Variants in EBLN1 observed in about 807,000 individuals in gnomAD.
EBLN1 encodes endogenous Bornavirus like nucleoprotein 1.
EBLN1 carries 1 observed loss-of-function variant against 0.8 expected under a neutral mutation model. That is an observed-to-expected ratio of 1.32 (90% CI 0.47 to 6.26). The LOEUF (loss-of-function observed/expected upper bound fraction) is 6.26. Among genes scored for constraint, EBLN1 ranks in the 30% most tolerant of loss-of-function variants. The pLI, the probability that EBLN1 is intolerant of heterozygous loss-of-function variation, is 0.15. For synonymous variants in EBLN1, 158 were observed against 158.5 expected (o/e 1.00, Z 0.02); for missense variants, 396 against 447.9 (o/e 0.88, Z 1.05).
intron 2 of EBLN1, among the ~76,000 whole-genome samples, chr10:22,210,533 G>A (rs1283585544): frequency 6.6e-6 from 1 of 152,244 alleles, no homozygotes; most frequent in African/African-American, 2.4e-5. Context: ...CCTAAATAAG[G>A]AGCCTTTTTG....
intron 1 of EBLN1, among the ~76,000 whole-genome samples, chr10:22,213,208 T>G (rs1834768109): frequency 6.6e-6 from 1 of 152,174 alleles, no homozygotes; most frequent in Non-Finnish European, 1.5e-5. Flanking sequence ...TGGATCTTTT[T>G]CTCAACAAGT....
At chr10:22,215,054 G>C (rs1449470117) in intron 1 of EBLN1, among the ~76,000 whole-genome samples, 1 of 152,160 alleles carries the variant, frequency 6.6e-6, no homozygotes, top group African/African-American at 2.4e-5. Context: ...TATGTTGTGC[G>C]ATTCCATTTA....
chr10:22,214,674 C>G (rs2131946028), intron 1 of EBLN1, among the ~76,000 whole-genome samples: 1 of 152,200 alleles, frequency 6.6e-6, no homozygotes, highest in East Asian at 1.9e-4. Flanking sequence ...TCTTTAAGAA[C>G]AGCACCAAGA....
At chr10:22,214,223 T>C (rs916780533) in intron 1 of EBLN1, among the ~76,000 whole-genome samples, 1 of 151,998 alleles carries the variant, frequency 6.6e-6, no homozygotes. Context: ...TATAGAAAAA[T>C]TACAAGAAAA....
At chr10:22,213,329 TC>T (rs1227779435) in intron 1 of EBLN1, among the ~76,000 whole-genome samples, 3 of 152,220 alleles carry the variant, frequency 2.0e-5, no homozygotes, top group Admixed American at 2.0e-4. Flanking sequence ...ACAGATTTTT[TC>T]GAAGTATTTT....
At position 22,208,671 on chromosome 10, in the gene EBLN1, TACTTAAAAAG is replaced by T. The variant is rs1834714827; in HGVS notation, c.*202_*211del. On this transcript the variant is annotated 3_prime_UTR_variant, in exon 3 of 3. Coordinates refer to ENST00000422359, the MANE Select transcript of EBLN1 (RefSeq NM_001394757.1). ...GTCAAAGCATATTTTTGGCCTCCAGTACTTAAAAAGACTTTGGAGATCACATCTTTCAGTG... is the reference window on the plus strand; with the variant it reads ...GTCAAAGCATATTTTTGGCCTCCAGTACTTTGGAGATCACATCTTTCAGTG... 3 of 494,428 alleles carry T rather than the reference TACTTAAAAAG, an allele frequency of 6.1e-6. No individual in the cohort carries two copies. The highest frequency in any genetic ancestry group is 3.9e-5 in the African/African-American group (2 of 50,688). 30.6% of individuals were successfully genotyped at this position (494,428 alleles called of 1,614,324 possible).
chr10:22,209,754 G>A lies in EBLN1; in HGVS notation c.230C>T (p.Pro77Leu), dbSNP rs747438630. Residue 77 changes from proline to leucine, a missense_variant, in exon 3 of 3, where the codon CCA becomes CTA. Pro to Leu is a moderately conservative substitution (Grantham distance 98). Coordinates refer to ENST00000422359, the MANE Select transcript of EBLN1 (RefSeq NM_001394757.1). Reference protein sequence around the residue: ...AQRSHFYLVTPSLVFLCFIFD... With the variant: ...AQRSHFYLVTLSLVFLCFIFD... ...TATAAAACACAAAAATACTAAGCTT[G>A]GGGTTACAAGGTAAAAATGAGATCT... 5 of 1,535,888 alleles carry A rather than the reference G, an allele frequency of 3.3e-6. No homozygotes were observed. In the South Asian group the frequency reaches 4.8e-5, roughly 15 times the overall value.
intron 2 of EBLN1, among the ~76,000 whole-genome samples, chr10:22,210,355 T>C (rs1001919703): frequency 2.6e-5 from 4 of 152,170 alleles, no homozygotes; most frequent in African/African-American, 9.7e-5. Flanking sequence ...ATCAGTAATA[T>C]TGTAATGTCA....
chr10:22,209,310 A>T lies in EBLN1; in HGVS notation c.674T>A (p.Val225Asp). The T allele has an allele frequency of 6.3e-7, 1 of 1,599,778 alleles. No homozygotes were observed. Among genetic ancestry groups the T allele is most frequent in the Non-Finnish European group, 8.5e-7 (1 of 1,179,488 alleles). ...ESPACELLDQ[V>D]KVVASKAQMM... Reference sequence around the variant, plus strand: ...CTGTGCTTTGCTGGCAACTACTTTAACTTGATCAAGTAGCTCGCACGCAGG... The same window carrying T: ...CTGTGCTTTGCTGGCAACTACTTTATCTTGATCAAGTAGCTCGCACGCAGG... Residue 225 changes from valine (V) to aspartate (D), a missense_variant, in exon 3 of 3, where the codon GTT becomes GAT. Transcript: ENST00000422359.
intron 1 of EBLN1, among the ~76,000 whole-genome samples, chr10:22,214,020 TA>T (rs917849164): frequency 1.4e-4 from 21 of 151,120 alleles, no homozygotes; most frequent in African/African-American, 2.4e-4. Context: ...TCAGAACATG[TA>T]AAAAAAAATT....
intron 2 of EBLN1, among the ~76,000 whole-genome samples, chr10:22,212,429 C>T (rs1476960342): frequency 6.6e-6 from 1 of 152,072 alleles, no homozygotes; most frequent in African/African-American, 2.4e-5. Context: ...ACTAAATAAC[C>T]TTTTCAATAT....
chr10:22,214,310 T>TTC (rs1834775560), intron 1 of EBLN1, among the ~76,000 whole-genome samples: 1 of 150,796 alleles, frequency 6.6e-6, no homozygotes, highest in Non-Finnish European at 1.5e-5. Context: ...TTCTTTTTTT[T>TTC]TTTTTTTGAG....
chr10:22,214,082 G>A (rs1264806148), intron 1 of EBLN1, among the ~76,000 whole-genome samples: 1 of 152,102 alleles, frequency 6.6e-6, no homozygotes, highest in Non-Finnish European at 1.5e-5. Context: ...GGGAAGAGAG[G>A]AAGTGTTAAG....
chr10:22,213,047 G>A (rs1834767233), intron 1 of EBLN1, among the ~76,000 whole-genome samples, 82 bp from the exon 2 acceptor site: 2 of 151,946 alleles, frequency 1.3e-5, no homozygotes, highest in African/African-American at 2.4e-5. Flanking sequence ...CAGGTCTGTA[G>A]CCTACACTCT....
At chr10:22,213,209 C>G (rs1834768127) in intron 1 of EBLN1, among the ~76,000 whole-genome samples, 1 of 152,016 alleles carries the variant, frequency 6.6e-6, no homozygotes, top group South Asian at 2.1e-4. Flanking sequence ...GGATCTTTTT[C>G]TCAACAAGTT....
chr10:22,217,048 A>G (rs898081864), intron 1 of EBLN1, among the ~76,000 whole-genome samples: 1 of 152,236 alleles, frequency 6.6e-6, no homozygotes, highest in African/African-American at 2.4e-5. Context: ...CGCTTATTAC[A>G]ATAACAATTC....
At chr10:22,212,667 G>T (rs1350715361) in intron 2 of EBLN1, among the ~76,000 whole-genome samples, 175 bp downstream of exon 2, 2 of 151,994 alleles carry the variant, frequency 1.3e-5, no homozygotes, top group Non-Finnish European at 2.9e-5. Context: ...ATTATAGTAA[G>T]GTTGGATGTG....
At chr10:22,216,873 C>T (rs1171013636) in intron 1 of EBLN1, among the ~76,000 whole-genome samples, 2 of 152,024 alleles carry the variant, frequency 1.3e-5, no homozygotes, top group African/African-American at 4.8e-5. Flanking sequence ...TGCCAAAATC[C>T]ACATAATCAA....
chr10:22,210,106 T>C lies in EBLN1; in HGVS notation c.-44-79A>G, dbSNP rs564271533. Reference sequence around the variant, plus strand: ...TTAATAAAATGTATTATGACTTCTGTATCTCATTTACTTCTTAGTAATATT... The same window carrying C: ...TTAATAAAATGTATTATGACTTCTGCATCTCATTTACTTCTTAGTAATATT... On this transcript the variant is annotated intron_variant, in intron 2 of 2. Transcript: ENST00000422359. 3.5e-6 allele frequency: 4 copies of C among 1,159,418 alleles called. No homozygotes were observed. The South Asian group carries it at 1.5e-4, about 45-fold the overall frequency. The allele number at this position is 1,159,418 out of a possible 1,614,324, so 71.8% of individuals were successfully genotyped here.
Sources: allele counts gnomAD v4.1 joint callset (sites outside exome capture counted in the v4.1 genomes callset), GRCh38; gene constraint gnomAD v4.1.1; transcripts MANE v1.5; gene names NCBI Gene and HGNC (gene_info 2026-07-23, HGNC 2026-07-21).